The following ALOX5 variants were observed in gnomAD, a reference collection of about 807,000 sequenced individuals.
ALOX5 encodes arachidonate 5-lipoxygenase, also known as polyunsaturated fatty acid 5-lipoxygenase.
A neutral mutation model predicts 87.9 loss-of-function variants in ALOX5; 64 were observed. The observed-to-expected ratio is 0.73, with a 90% CI of 0.60 to 0.90. ALOX5 has a LOEUF of 0.90. Ranked by LOEUF, ALOX5 falls within the 40% of genes least tolerant of loss-of-function variation. ALOX5 has a pLI of 0.00. For missense variants in ALOX5, 822 were observed against 907.5 expected, an observed-to-expected ratio of 0.91 and a Z score of 1.21; for synonymous variants, 388 against 355.1, an observed-to-expected ratio of 1.09 and a Z score of -1.04.
chr10:45,397,616 C>G (rs936126801), intron 3 of ALOX5, among the ~76,000 whole-genome samples: 1 of 151,874 alleles, frequency 6.6e-6, no homozygotes, highest in Non-Finnish European at 1.5e-5. Context: ...AATCTGAAGG[C>G]ATTCACCAAA....
chr10:45,413,012 G>A (rs1040332545), intron 4 of ALOX5, among the ~76,000 whole-genome samples: 1 of 152,114 alleles, frequency 6.6e-6, no homozygotes, highest in Non-Finnish European at 1.5e-5. Flanking sequence ...TGACCCTATA[G>A]GGAATTTTAA....
chr10:45,383,336 A>G (rs962879863), intron 2 of ALOX5, among the ~76,000 whole-genome samples: 1 of 152,262 alleles, frequency 6.6e-6, no homozygotes, highest in African/African-American at 2.4e-5. Context: ...CTGACCTGGT[A>G]CAGAGCATCA....
chr10:45,405,755 G>A (rs956357444), intron 3 of ALOX5, among the ~76,000 whole-genome samples: 3 of 94,936 alleles, frequency 3.2e-5, no homozygotes, highest in African/African-American at 1.3e-4. Flanking sequence ...TTTTTTTTTT[G>A]AGACAGAGTC....
At chr10:45,375,591 T>G (rs1839575385) in intron 1 of ALOX5, among the ~76,000 whole-genome samples, 2 of 152,266 alleles carry the variant, frequency 1.3e-5, no homozygotes, top group South Asian at 4.1e-4. Flanking sequence ...CAAGTTCATG[T>G]TTCAACTGAT....
rs560498279 is a variant in ALOX5, at chr10:45,428,941, A to G, written c.981+177A>G. On this transcript the variant is annotated intron_variant, in intron 7 of 13. Transcript: ENST00000374391. ...CGGAGAGGGTTCTACTCCCCAAGGCACACTTGAGAAGCCCCTGGCCAGTCG... is the reference window on the plus strand; with the variant it reads ...CGGAGAGGGTTCTACTCCCCAAGGCGCACTTGAGAAGCCCCTGGCCAGTCG... 6.6e-5 allele frequency among the ~76,000 whole-genome samples: 10 copies of G among 152,104 alleles called. 1 individual carries two copies. The South Asian group carries it at 2.1e-3, about 32-fold the overall frequency.
At position 45,445,976 on chromosome 10, in the gene ALOX5, A is replaced by G; in HGVS notation, c.*289A>G. ...AAATCACGACCACTGATAGATGTCTATTCTTGTTGGAGACATGGGATGATT... is the reference window on the plus strand; with the variant it reads ...AAATCACGACCACTGATAGATGTCTGTTCTTGTTGGAGACATGGGATGATT... On this transcript the variant is annotated 3_prime_UTR_variant, in exon 14 of 14. Coordinates refer to ENST00000374391, the MANE Select transcript of ALOX5 (RefSeq NM_000698.5). The G allele has an allele frequency of 2.5e-6, 1 of 393,658 alleles. No homozygotes were observed. The highest frequency in any genetic ancestry group is 4.5e-6 in the Non-Finnish European group (1 of 221,458). The allele number at this position is 393,658 out of a possible 1,614,324, so 24.4% of individuals were successfully genotyped here.
chr10:45,435,051 C>G (rs1842020503), intron 7 of ALOX5, among the ~76,000 whole-genome samples: 1 of 152,314 alleles, frequency 6.6e-6, no homozygotes, highest in East Asian at 1.9e-4. Flanking sequence ...TTCTGGCATC[C>G]CATGGCAGGC....
Position 45,374,301 on chromosome 10 carries a change from G to C in ALOX5, c.22G>C (p.Val8Leu), listed in dbSNP as rs1347894122. The C allele has an allele frequency of 6.6e-7, 1 of 1,516,980 alleles. No homozygotes were observed. The highest frequency in any genetic ancestry group is 8.8e-7 in the Non-Finnish European group (1 of 1,133,054). 94.0% of individuals were successfully genotyped at this position (1,516,980 alleles called of 1,614,324 possible). A position where few individuals can be genotyped will look rare whatever the true frequency, so the allele number is the denominator to read the frequency against. The change falls in exon 1 of 14, where the codon GTG (valine) becomes CTG (leucine). Residue 8 changes from valine to leucine, a missense_variant. By Grantham distance (32) the Val-to-Leu change is conservative. Transcript: ENST00000374391. MPSYTVTVATGSQWFAGT... is the reference protein window; with the variant it reads MPSYTVTLATGSQWFAGT... ...CGCCATGCCCTCCTACACGGTCACC[G>C]TGGCCACTGGCAGCCAGTGGTTCGC... is the stretch of plus-strand genomic sequence containing the variant.
intron 3 of ALOX5, 130 bp downstream of exon 3, chr10:45,396,066 C>T: frequency 1.2e-6 from 1 of 825,220 alleles, no homozygotes; most frequent in Non-Finnish European, 1.9e-6. Flanking sequence ...GCACCAGCTC[C>T]CAGTGTGGGT....
chr10:45,437,789 C>T (rs1339142428), intron 7 of ALOX5, among the ~76,000 whole-genome samples: 3 of 152,186 alleles, frequency 2.0e-5, no homozygotes, highest in Admixed American at 1.3e-4. Flanking sequence ...GGTTTGGCTC[C>T]AGCCAATGGA....
chr10:45,385,819 C>A (rs985198028), intron 2 of ALOX5, among the ~76,000 whole-genome samples: 1 of 152,144 alleles, frequency 6.6e-6, no homozygotes, highest in African/African-American at 2.4e-5. Context: ...CAGTTCCAAG[C>A]TCAAGGATGA....
At chr10:45,438,675 C>A (rs537019152) in intron 7 of ALOX5, among the ~76,000 whole-genome samples, 39 of 152,282 alleles carry the variant, frequency 2.6e-4, no homozygotes, top group Non-Finnish European at 4.4e-4. Flanking sequence ...GCAGTGGGGA[C>A]CCTGAGAGCT....
chr10:45,441,439 C>T lies in ALOX5; in HGVS notation c.1272+9C>T, dbSNP rs1262371439. The T allele has an allele frequency of 6.2e-7, 1 of 1,611,702 alleles. No homozygotes were observed. Among genetic ancestry groups the T allele is most frequent in the South Asian group, 1.1e-5 (1 of 90,970 alleles). On this transcript the variant is annotated intron_variant, in intron 9 of 13. Coordinates refer to ENST00000374391, the MANE Select transcript of ALOX5 (RefSeq NM_000698.5). ...GTGGCCTCTTTGACAAGGTGGGTGC[C>T]CTCCTACCCTACTTGTTGCCTGGAA...
intron 1 of ALOX5, among the ~76,000 whole-genome samples, chr10:45,374,925 C>A (rs1271825738): frequency 6.6e-6 from 1 of 152,154 alleles, no homozygotes; most frequent in Non-Finnish European, 1.5e-5. Flanking sequence ...GAAGGGTGCA[C>A]GTCAGCGGGT....
intron 3 of ALOX5, among the ~76,000 whole-genome samples, chr10:45,406,853 T>G (rs946149354): frequency 1.3e-5 from 2 of 152,256 alleles, no homozygotes; most frequent in Non-Finnish European, 2.9e-5. Context: ...TGATATTCTT[T>G]TCTTATTCCA....
chr10:45,419,056 A>G (rs994604936), intron 4 of ALOX5, among the ~76,000 whole-genome samples: 16 of 152,178 alleles, frequency 1.1e-4, no homozygotes, highest in Non-Finnish European at 2.2e-4. Flanking sequence ...CCAGGACCAC[A>G]GGGGCGCTTT....
At chr10:45,380,081 G>C (rs972270685) in intron 1 of ALOX5, among the ~76,000 whole-genome samples, 1 of 152,228 alleles carries the variant, frequency 6.6e-6, no homozygotes, top group African/African-American at 2.4e-5. Context: ...CCCCTGAGAT[G>C]CTGAGACTCC....
chr10:45,383,708 CT>C (rs1273039756), intron 2 of ALOX5, among the ~76,000 whole-genome samples: 1 of 152,200 alleles, frequency 6.6e-6, no homozygotes, highest in Non-Finnish European at 1.5e-5. Flanking sequence ...TGTTCTTAAG[CT>C]ACCAGGCCAC....
intron 7 of ALOX5, among the ~76,000 whole-genome samples, chr10:45,431,835 G>A (rs1000068027): frequency 7.3e-4 from 111 of 152,270 alleles, no homozygotes; most frequent in African/African-American, 2.4e-3. Flanking sequence ...GCCTCCCAAA[G>A]TGTTGGCATT....
Sources: gnomAD v4.1 joint callset for allele counts (sites outside exome capture counted in the v4.1 genomes callset) on GRCh38, gnomAD v4.1.1 for gene constraint, MANE v1.5 for transcripts, NCBI Gene and HGNC (gene_info 2026-07-23, HGNC 2026-07-21) for gene names.